The following CENPP variants were observed in gnomAD, a reference collection of about 807,000 sequenced individuals.
CENPP encodes the protein centromere protein P.
In CENPP, 24 loss-of-function variants were observed where a neutral mutation model predicts 35.6. The ratio of observed to expected loss-of-function variants is 0.67; its 90% CI spans 0.49 to 0.95. The LOEUF is 0.95. Among genes scored for constraint, CENPP ranks in the 40% least tolerant of loss-of-function variants. CENPP has a pLI of 0.00. For synonymous variants in CENPP, 120 were observed against 125.5 expected (o/e 0.96, Z 0.29); for missense variants, 332 against 345.3 (o/e 0.96, Z 0.31).
At chr9:92,498,048 T>C (rs1301394868) in intron 5 of CENPP, among the ~76,000 whole-genome samples, 1 of 152,098 alleles carries the variant, frequency 6.6e-6, no homozygotes, top group African/African-American at 2.4e-5. Context: ...TGAAGAACCA[T>C]GAGCCAAATA....
At chr9:92,578,665 A>G (rs972189544) in intron 5 of CENPP, among the ~76,000 whole-genome samples, 1 of 151,682 alleles carries the variant, frequency 6.6e-6, no homozygotes, top group Non-Finnish European at 1.5e-5. Context: ...TTTTCTTGTA[A>G]ATTTGTTGGA....
In CENPP at chr9:92,616,316, G is replaced by A. The variant is rs1432628586; in HGVS notation, c.*3167G>A. 3.1e-5 allele frequency: 13 copies of A among 422,944 alleles called. No individual in the cohort carries two copies. The highest frequency in any genetic ancestry group is 4.8e-5 in the Non-Finnish European group (11 of 230,304). The allele number at this position is 422,944 out of a possible 1,614,324, so 26.2% of individuals were successfully genotyped here. A position where few individuals can be genotyped will look rare whatever the true frequency, so the allele number is the denominator to read the frequency against. The stretch of plus-strand genomic sequence containing the variant: ...CCGGCTGTGTGCACCAGCGTGCAAA[G>A]CTTCCTCAGGCCAGTGCACCCCACC... On this transcript the variant is annotated 3_prime_UTR_variant, in exon 8 of 8. Transcript: ENST00000375587.
At chr9:92,480,149 T>G (rs951759887) in intron 5 of CENPP, among the ~76,000 whole-genome samples, 1 of 152,210 alleles carries the variant, frequency 6.6e-6, no homozygotes, top group Non-Finnish European at 1.5e-5. Context: ...TACTCAATAT[T>G]TCCCTGATTT....
intron 5 of CENPP, among the ~76,000 whole-genome samples, chr9:92,558,441 C>T (rs1036362857): frequency 3.3e-5 from 5 of 152,100 alleles, no homozygotes; most frequent in African/African-American, 4.8e-5. Flanking sequence ...TGAGTCTGCC[C>T]GGCTCTGGGC....
chr9:92,605,568 T>C (rs919224651), intron 5 of CENPP, among the ~76,000 whole-genome samples: 5 of 152,128 alleles, frequency 3.3e-5, no homozygotes, highest in East Asian at 1.9e-4. Context: ...TTTTCAACAA[T>C]TGGTTCTCAG....
At chr9:92,364,128 G>T (rs1268587437) in intron 4 of CENPP, among the ~76,000 whole-genome samples, 1 of 151,592 alleles carries the variant, frequency 6.6e-6, no homozygotes, top group Non-Finnish European at 1.5e-5. Context: ...GGGATTATAG[G>T]CATGAGCCAC....
intron 5 of CENPP, among the ~76,000 whole-genome samples, chr9:92,550,126 G>A (rs547636104): frequency 6.6e-6 from 1 of 152,182 alleles, no homozygotes; most frequent in African/African-American, 2.4e-5. Context: ...GGCCGGGCGT[G>A]GTGGCTCACG....
chr9:92,597,318 G>A lies in CENPP; in HGVS notation c.565-13996G>A, dbSNP rs577325570. Reference sequence around the variant, plus strand: ...GAATGAAGGGCTCCAAACGGGGTGGGGACAGGAGTGGGAGTGATTTGTCTT... The same window carrying A: ...GAATGAAGGGCTCCAAACGGGGTGGAGACAGGAGTGGGAGTGATTTGTCTT... On this transcript the variant is annotated intron_variant, in intron 5 of 7. Transcript: ENST00000375587. 3.3e-5 allele frequency among the ~76,000 whole-genome samples: 5 copies of A among 152,244 alleles called. No homozygotes were observed. The East Asian group carries it at 5.8e-4, about 18-fold the overall frequency.
At chr9:92,517,784 A>T (rs775578427) in intron 5 of CENPP, 1 of 1,614,108 alleles carries the variant, frequency 6.2e-7, no homozygotes, top group East Asian at 2.2e-5. Context: ...GAACTCTTCC[A>T]TCTGAGCAGA....
At chr9:92,328,793 A>G (rs1355074887) in intron 1 of CENPP, among the ~76,000 whole-genome samples, 3 of 152,244 alleles carry the variant, frequency 2.0e-5, no homozygotes, top group African/African-American at 7.2e-5. Context: ...ATACACAAAT[A>G]TTTTGCTCAA....
chr9:92,466,894 A>G (rs1032103016), intron 5 of CENPP, among the ~76,000 whole-genome samples: 1 of 152,206 alleles, frequency 6.6e-6, no homozygotes, highest in Non-Finnish European at 1.5e-5. Context: ...GGAAGTGACC[A>G]GTGATATTAT....
At chr9:92,368,995 G>A (rs891817787) in intron 4 of CENPP, among the ~76,000 whole-genome samples, 7 of 152,276 alleles carry the variant, frequency 4.6e-5, no homozygotes, top group Non-Finnish European at 5.9e-5. Context: ...AGTGAGTTAC[G>A]ATCATGCCAC....
At chr9:92,337,278 A>G (rs1360256817) in intron 2 of CENPP, among the ~76,000 whole-genome samples, 1 of 152,120 alleles carries the variant, frequency 6.6e-6, no homozygotes, top group Admixed American at 6.6e-5. Context: ...AGATCGCACC[A>G]TTGCACTCCA....
chr9:92,442,004 C>T (rs1194462220), intron 5 of CENPP, among the ~76,000 whole-genome samples: 1 of 151,912 alleles, frequency 6.6e-6, no homozygotes, highest in Non-Finnish European at 1.5e-5. Context: ...CGAAATAACC[C>T]CTACCCCAAA....
chr9:92,581,294 A>G (rs1340446860), intron 5 of CENPP, among the ~76,000 whole-genome samples: 1 of 152,156 alleles, frequency 6.6e-6, no homozygotes, highest in Non-Finnish European at 1.5e-5. Flanking sequence ...AAGCCATATT[A>G]CATTTTGTGT....
chr9:92,549,052 G>A (rs933357791), intron 5 of CENPP, among the ~76,000 whole-genome samples: 2 of 152,130 alleles, frequency 1.3e-5, no homozygotes, highest in Non-Finnish European at 2.9e-5. Context: ...ATAAACAATG[G>A]ACAGTGGCAC....
At chr9:92,430,988 G>A (rs1299100752) in intron 5 of CENPP, among the ~76,000 whole-genome samples, 1 of 151,956 alleles carries the variant, frequency 6.6e-6, no homozygotes, top group African/African-American at 2.4e-5. Context: ...TAGAGACAGG[G>A]TTTCACCATG....
At chr9:92,527,868 G>A (rs1019529536) in intron 5 of CENPP, 1 of 154,072 alleles carries the variant, frequency 6.5e-6, no homozygotes, top group Non-Finnish European at 1.5e-5. Context: ...TATATCACCT[G>A]AAGGCCAAGA....
intron 4 of CENPP, among the ~76,000 whole-genome samples, chr9:92,365,290 GACCTAGGAGT>G (rs1841858287): frequency 6.6e-6 from 1 of 151,926 alleles, no homozygotes; most frequent in Admixed American, 6.6e-5. Context: ...TTGAGAATGT[GACCTAGGAGT>G]ACATGGAGGA....
Sources: allele counts gnomAD v4.1 joint callset (sites outside exome capture counted in the v4.1 genomes callset), GRCh38; gene constraint gnomAD v4.1.1; transcripts MANE v1.5; gene names NCBI Gene and HGNC (gene_info 2026-07-23, HGNC 2026-07-21).